The following GRIN2A variants were observed in gnomAD, a reference collection of about 807,000 sequenced individuals.
The protein encoded by GRIN2A is glutamate ionotropic receptor NMDA type subunit 2A.
In GRIN2A, 22 loss-of-function variants were observed where a neutral mutation model predicts 113.4. The ratio of observed to expected loss-of-function variants is 0.19; its 90% CI spans 0.14 to 0.28. The LOEUF is 0.28. Ranked by LOEUF, GRIN2A falls within the 10% of genes least tolerant of loss-of-function variation. GRIN2A has a pLI of 1.00. For synonymous variants in GRIN2A, 827 were observed against 738.4 expected (o/e 1.12, Z -1.94); for missense variants, 1,502 against 1,887.0 (o/e 0.80, Z 3.78).
chr16:9,793,942 G>C (rs1027327980), intron 11 of GRIN2A, among the ~76,000 whole-genome samples: 9 of 152,172 alleles, frequency 5.9e-5, no homozygotes, highest in Non-Finnish European at 8.8e-5. Flanking sequence ...TGGACTGTAA[G>C]TTCATTGAGG....
At chr16:9,998,470 G>A (rs186716609) in intron 2 of GRIN2A, among the ~76,000 whole-genome samples, 6 of 152,278 alleles carry the variant, frequency 3.9e-5, no homozygotes, top group African/African-American at 1.2e-4. Flanking sequence ...AGTAGAGATC[G>A]AAGGTCCTTG....
At chr16:10,021,147 G>C (rs1168041114) in intron 2 of GRIN2A, among the ~76,000 whole-genome samples, 1 of 152,172 alleles carries the variant, frequency 6.6e-6, no homozygotes, top group Non-Finnish European at 1.5e-5. Context: ...TCACTGGGTG[G>C]GTGGGAGAGG....
chr16:10,169,184 T>C (rs1344807082), intron 2 of GRIN2A, among the ~76,000 whole-genome samples: 1 of 152,082 alleles, frequency 6.6e-6, no homozygotes. Context: ...CTTAATATAT[T>C]TCATTTAGAG....
chr16:10,047,485 C>T (rs1369434025), intron 2 of GRIN2A, among the ~76,000 whole-genome samples: 1 of 152,210 alleles, frequency 6.6e-6, no homozygotes, highest in African/African-American at 2.4e-5. Flanking sequence ...TTATTGTCTG[C>T]TTTTAGGAAT....
Position 9,936,249 on chromosome 16 carries a change from T to A in GRIN2A, c.1007+1710A>T, listed in dbSNP as rs138384446. Among the ~76,000 whole-genome samples the A allele has an allele frequency of 8.3e-4, 127 of 152,326 alleles. 1 individual carries two copies. Among genetic ancestry groups the A allele is most frequent in the African/African-American group, 2.9e-3 (121 of 41,566 alleles). On this transcript the variant is annotated intron_variant, in intron 3 of 12. Coordinates refer to ENST00000330684, the MANE Select transcript of GRIN2A (RefSeq NM_001134407.3). ...ATATTTTCTATTACATTAGAAACTC[T>A]GAGATTGAGGCCCAGTAATTTGTGT...
intron 2 of GRIN2A, among the ~76,000 whole-genome samples, chr16:10,014,911 G>C (rs1416086445): frequency 6.6e-6 from 1 of 152,136 alleles, no homozygotes; most frequent in Non-Finnish European, 1.5e-5. Flanking sequence ...AGGAGGATGA[G>C]TGAATAGAAA....
rs189718293 is a variant in GRIN2A, at chr16:9,862,129, T to C, written c.1123-12168A>G. ...AGGAGCACCAGGAGGGGAAGACCTATGACTAACATACAGGATTAAATAAAG... is the reference window on the plus strand; with the variant it reads ...AGGAGCACCAGGAGGGGAAGACCTACGACTAACATACAGGATTAAATAAAG... On this transcript the variant is annotated intron_variant, in intron 4 of 12. Transcript: ENST00000330684. Among the ~76,000 whole-genome samples, 112 of 152,336 alleles carry C rather than the reference T, an allele frequency of 7.4e-4. 2 individuals carry two copies. The highest frequency in any genetic ancestry group is 2.6e-3 in the African/African-American group (109 of 41,580).
chr16:9,988,681 C>T (rs773959088), intron 2 of GRIN2A, among the ~76,000 whole-genome samples: 1 of 152,150 alleles, frequency 6.6e-6, no homozygotes, highest in Non-Finnish European at 1.5e-5. Flanking sequence ...TCTCAAGAAG[C>T]CATTATTATC....
chr16:9,857,877 G>A (rs1476108234), intron 4 of GRIN2A, among the ~76,000 whole-genome samples: 1 of 152,176 alleles, frequency 6.6e-6, no homozygotes, highest in Non-Finnish European at 1.5e-5. Context: ...TTTAGACACA[G>A]TTTTTACCAT....
At chr16:9,975,754 C>A (rs1387546331) in intron 2 of GRIN2A, among the ~76,000 whole-genome samples, 1 of 152,178 alleles carries the variant, frequency 6.6e-6, no homozygotes, top group East Asian at 1.9e-4. Context: ...ACAAGACCAA[C>A]TATTCTCTAC....
chr16:9,877,268 T>G lies in GRIN2A; in HGVS notation c.1122+13718A>C, dbSNP rs191953398. 3.6e-3 allele frequency among the ~76,000 whole-genome samples: 553 copies of G among 152,268 alleles called. 7 individuals are homozygous for G. Among genetic ancestry groups the G allele is most frequent in the Non-Finnish European group, 3.3e-3 (222 of 68,008 alleles). ...ACTGTAAGGTTTGGTATAGAATAGG[T>G]GCTCAACAAATGCTTACTATTTATT... On this transcript the variant is annotated intron_variant, in intron 4 of 12. Transcript: ENST00000330684.
At chr16:10,084,024 C>T (rs2048037430) in intron 2 of GRIN2A, among the ~76,000 whole-genome samples, 1 of 152,122 alleles carries the variant, frequency 6.6e-6, no homozygotes, top group Admixed American at 6.5e-5. Flanking sequence ...TCGCCTGGAC[C>T]CAGGAGGTCA....
intron 2 of GRIN2A, among the ~76,000 whole-genome samples, chr16:10,158,938 A>G (rs2049757653): frequency 6.6e-6 from 1 of 152,214 alleles, no homozygotes; most frequent in African/African-American, 2.4e-5. Flanking sequence ...TTATATCACA[A>G]TAAAAAATTA....
At chr16:9,912,937 A>C (rs369686122) in intron 3 of GRIN2A, among the ~76,000 whole-genome samples, 3 of 152,358 alleles carry the variant, frequency 2.0e-5, no homozygotes, top group African/African-American at 7.2e-5. Context: ...CACATAGAAG[A>C]GTTTTAAGGT....
chr16:10,115,898 G>A (rs1394262767), intron 2 of GRIN2A, among the ~76,000 whole-genome samples: 4 of 152,158 alleles, frequency 2.6e-5, no homozygotes, highest in African/African-American at 9.7e-5. Flanking sequence ...AACCATTGTG[G>A]AAGACAGTGT....
At chr16:9,954,810 G>A (rs991018424) in intron 2 of GRIN2A, among the ~76,000 whole-genome samples, 5 of 152,128 alleles carry the variant, frequency 3.3e-5, no homozygotes, top group South Asian at 4.1e-4. Context: ...GAAATGCATC[G>A]ACAAAGCAAG....
intron 2 of GRIN2A, among the ~76,000 whole-genome samples, chr16:9,997,453 T>G (rs1443250604): frequency 6.6e-6 from 1 of 152,340 alleles, no homozygotes; most frequent in East Asian, 1.9e-4. Flanking sequence ...TTTTCATGTT[T>G]TCTTTCAATT....
chr16:9,941,679 A>C (rs1022560527), intron 2 of GRIN2A, among the ~76,000 whole-genome samples: 1 of 152,180 alleles, frequency 6.6e-6, no homozygotes, highest in African/African-American at 2.4e-5. Flanking sequence ...GGGGGGGAAA[A>C]AAAACACTCA....
chr16:10,104,489 TAC>T (rs1185955844), intron 2 of GRIN2A, among the ~76,000 whole-genome samples: 1 of 152,234 alleles, frequency 6.6e-6, no homozygotes, highest in Non-Finnish European at 1.5e-5. Context: ...GTATGTAAGT[TAC>T]ATTCATTCCC....
Sources: gnomAD v4.1 joint callset for allele counts (sites outside exome capture counted in the v4.1 genomes callset) on GRCh38, gnomAD v4.1.1 for gene constraint, MANE v1.5 for transcripts, NCBI Gene and HGNC (gene_info 2026-07-23, HGNC 2026-07-21) for gene names.